The following WNT7A variants were observed in gnomAD, a reference collection of about 807,000 sequenced individuals.
WNT7A encodes the protein Wnt family member 7A, also known as protein Wnt-7a.
WNT7A carries 16 observed loss-of-function variants against 28.2 expected under a neutral mutation model. The ratio of observed to expected loss-of-function variants is 0.57; its 90% CI spans 0.38 to 0.86. The LOEUF (loss-of-function observed/expected upper bound fraction) is 0.86. WNT7A is among the 40% of genes least tolerant of loss of function. The pLI, the probability that WNT7A is intolerant of heterozygous loss-of-function variation, is 0.00. For synonymous variants in WNT7A, 190 were observed against 195.9 expected, an observed-to-expected ratio of 0.97 and a Z score of 0.25; for missense variants, 411 against 489.7, an observed-to-expected ratio of 0.84 and a Z score of 1.52.
intron 3 of WNT7A, among the ~76,000 whole-genome samples, chr3:13,849,865 G>T (rs1271743853): frequency 6.6e-6 from 1 of 152,204 alleles, no homozygotes; most frequent in African/African-American, 2.4e-5. Context: ...AACAAGCTTG[G>T]TTGACTGCAG....
chr3:13,862,393 A>G (rs939556160), intron 2 of WNT7A, among the ~76,000 whole-genome samples: 2 of 152,172 alleles, frequency 1.3e-5, no homozygotes, highest in Non-Finnish European at 2.9e-5. Flanking sequence ...ATCTGGGTGT[A>G]TTTACGGTAT....
chr3:13,827,704 A>G (rs1313308916), intron 3 of WNT7A, among the ~76,000 whole-genome samples: 1 of 152,132 alleles, frequency 6.6e-6, no homozygotes, highest in Non-Finnish European at 1.5e-5. Flanking sequence ...TCCATGCCAC[A>G]TGGTGCTCCT....
At chr3:13,824,979 A>G (rs1396659475) in intron 3 of WNT7A, among the ~76,000 whole-genome samples, 1 of 152,152 alleles carries the variant, frequency 6.6e-6, no homozygotes, top group Non-Finnish European at 1.5e-5. Flanking sequence ...TTACTCACTA[A>G]CCAAGGACAC....
intron 2 of WNT7A, among the ~76,000 whole-genome samples, chr3:13,868,460 G>T (rs541771036): frequency 6.8e-6 from 1 of 147,936 alleles, no homozygotes; most frequent in Non-Finnish European, 1.5e-5. Flanking sequence ...GGGTGACAGA[G>T]AGAGACCCTG....
chr3:13,840,452 T>C (rs1694437898), intron 3 of WNT7A, among the ~76,000 whole-genome samples: 1 of 152,358 alleles, frequency 6.6e-6, no homozygotes. Context: ...ATTTGTTGAA[T>C]GAATGAATGA....
In WNT7A at chr3:13,873,121, C is replaced by T. The variant is rs146121741; in HGVS notation, c.298+1826G>A. Among the ~76,000 whole-genome samples, 13 of 152,200 alleles carry T rather than the reference C, an allele frequency of 8.5e-5. No individual in the cohort carries two copies. The East Asian group carries it at 2.5e-3, about 30-fold the overall frequency. On this transcript the variant is annotated intron_variant, in intron 2 of 3. Coordinates refer to ENST00000285018, the MANE Select transcript of WNT7A (RefSeq NM_004625.4). ...GATTAAGCAACCTAAACTGGAGTCT[C>T]AGTGTTGATGCCACTCACTATGTGA...
chr3:13,823,826 G>C (rs918885950), intron 3 of WNT7A, among the ~76,000 whole-genome samples: 1 of 152,208 alleles, frequency 6.6e-6, no homozygotes, highest in Non-Finnish European at 1.5e-5. Context: ...CGGAGGGCAG[G>C]AGGAAAGTTC....
intron 3 of WNT7A, among the ~76,000 whole-genome samples, chr3:13,846,171 A>G (rs1694534301): frequency 6.6e-6 from 1 of 152,270 alleles, no homozygotes; most frequent in Admixed American, 6.5e-5. Flanking sequence ...GAGAGGATGC[A>G]CGTGTGCGTG....
At chr3:13,844,684 A>C (rs1337406854) in intron 3 of WNT7A, among the ~76,000 whole-genome samples, 1 of 152,204 alleles carries the variant, frequency 6.6e-6, no homozygotes, top group Admixed American at 6.5e-5. Flanking sequence ...CTCAACGCAC[A>C]CTGAAAGGAG....
At position 13,819,230 on chromosome 3, in the gene WNT7A, T is replaced by C. The variant is rs1055390424; in HGVS notation, c.764A>G (p.Lys255Arg). Residue 255 changes from lysine to arginine, a missense_variant, in exon 4 of 4, where the codon AAG becomes AGG. Transcript: ENST00000285018. The stretch of plus-strand genomic sequence containing the variant: ...GGGCTTGCGGTACGACAGTGGCTTC[T>C]TGATCTTCAGGAAGGTGGGCCGCTT... Reference protein sequence around the residue: ...RNKRPTFLKIKKPLSYRKPMD... With the variant: ...RNKRPTFLKIRKPLSYRKPMD... 30 of 1,614,134 alleles carry C rather than the reference T, an allele frequency of 1.9e-5. 1 individual carries two copies. The highest frequency in any genetic ancestry group is 2.5e-5 in the Non-Finnish European group (30 of 1,180,048).
intron 3 of WNT7A, among the ~76,000 whole-genome samples, chr3:13,829,845 A>G (rs1694249760): frequency 6.6e-6 from 1 of 152,106 alleles, no homozygotes; most frequent in South Asian, 2.1e-4. Context: ...CATTTCCCCC[A>G]GAGGTCATTA....
intron 2 of WNT7A, among the ~76,000 whole-genome samples, chr3:13,871,124 T>C (rs1170368750): frequency 6.6e-6 from 1 of 152,228 alleles, no homozygotes; most frequent in Non-Finnish European, 1.5e-5. Flanking sequence ...GCCATGTGAC[T>C]AAGTTCTGGC....
intron 3 of WNT7A, among the ~76,000 whole-genome samples, chr3:13,835,051 G>A (rs549873514): frequency 4.6e-5 from 7 of 152,294 alleles, no homozygotes; most frequent in South Asian, 4.1e-4. Context: ...AAGAGGAGTC[G>A]ACGAGACAAA....
chr3:13,845,714 C>G (rs1694527169), intron 3 of WNT7A, among the ~76,000 whole-genome samples: 1 of 152,194 alleles, frequency 6.6e-6, no homozygotes, highest in Non-Finnish European at 1.5e-5. Flanking sequence ...AAGGCAGGGA[C>G]AGATGCACCC....
chr3:13,878,027 C>A (rs1157144071), intron 1 of WNT7A, among the ~76,000 whole-genome samples: 3 of 152,166 alleles, frequency 2.0e-5, no homozygotes, highest in Non-Finnish European at 4.4e-5. Context: ...CAGGGCCTGG[C>A]CCGAAGTCAC....
intron 3 of WNT7A, among the ~76,000 whole-genome samples, chr3:13,834,160 C>A (rs1694326894): frequency 6.6e-6 from 1 of 152,192 alleles, no homozygotes. Context: ...CTGAATCAGG[C>A]AGGGTATTAG....
chr3:13,833,282 G>T (rs780530405), intron 3 of WNT7A, among the ~76,000 whole-genome samples: 6 of 152,028 alleles, frequency 3.9e-5, no homozygotes, highest in Admixed American at 6.6e-5. Context: ...TCACACACAG[G>T]TGCTTCTCAT....
intron 2 of WNT7A, among the ~76,000 whole-genome samples, chr3:13,868,118 GC>G (rs1694940568): frequency 6.6e-6 from 1 of 151,902 alleles, no homozygotes; most frequent in African/African-American, 2.4e-5. Flanking sequence ...GGAGGGAGAG[GC>G]AGGGAAGACA....
intron 3 of WNT7A, among the ~76,000 whole-genome samples, chr3:13,827,502 G>A (rs1359137100): frequency 6.6e-6 from 1 of 152,204 alleles, no homozygotes; most frequent in Non-Finnish European, 1.5e-5. Flanking sequence ...TCAGGCCTGG[G>A]AGGGGACTGG....
Sources: gnomAD v4.1 joint callset for allele counts (sites outside exome capture counted in the v4.1 genomes callset) on GRCh38, gnomAD v4.1.1 for gene constraint, MANE v1.5 for transcripts, NCBI Gene and HGNC (gene_info 2026-07-23, HGNC 2026-07-21) for gene names.